The following STK4 variants were observed in gnomAD, a reference collection of about 807,000 sequenced individuals.
STK4 encodes serine/threonine kinase 4.
A neutral mutation model predicts 64.9 loss-of-function variants in STK4; 30 were observed. That is an observed-to-expected ratio of 0.46 (90% CI 0.35 to 0.63). The LOEUF is 0.63. STK4 is among the 20% of genes least tolerant of loss of function. The probability of loss-of-function intolerance (pLI) is 0.01; values close to 1 mark genes in which losing one functional copy is unlikely to be tolerated. For missense variants in STK4, 466 were observed against 598.5 expected (o/e 0.78, Z 2.31); for synonymous variants, 177 against 199.0 (o/e 0.89, Z 0.93).
At position 45,007,013 on chromosome 20, in the gene STK4, G is replaced by A. The variant is rs577819913; in HGVS notation, c.1147+5660G>A. On this transcript the variant is annotated intron_variant, in intron 9 of 10. Coordinates refer to ENST00000372806, the MANE Select transcript of STK4 (RefSeq NM_006282.5). ...CCGCTTTTGGCATCTGGAAGTTTTC[G>A]TTTTCTGGTTCTGAGCGCTATGGGT... 8.5e-4 allele frequency among the ~76,000 whole-genome samples: 130 copies of A among 152,146 alleles called. 2 individuals are homozygous for A. The South Asian group carries it at 0.026, about 30-fold the overall frequency.
intron 2 of STK4, among the ~76,000 whole-genome samples, chr20:44,978,069 C>A (rs2145644028): frequency 6.6e-6 from 1 of 152,252 alleles, no homozygotes; most frequent in South Asian, 2.1e-4. Flanking sequence ...AATCATAAAC[C>A]CCTTTGAACC....
At chr20:44,972,352 C>G in intron 2 of STK4, 194 bp downstream of exon 2, 1 of 489,680 alleles carries the variant, frequency 2.0e-6, no homozygotes, top group Non-Finnish European at 3.7e-6. Flanking sequence ...CTTTTTAACA[C>G]GAAGAATATC....
At position 45,002,721 on chromosome 20, in the gene STK4, C is replaced by T. The variant is rs528259699; in HGVS notation, c.1147+1368C>T. Reference sequence around the variant, plus strand: ...CTTCAGCAATGATCAACTCACTGCCCGTCTTATTTCAGCCCCACCTCACCA... The same window carrying T: ...CTTCAGCAATGATCAACTCACTGCCTGTCTTATTTCAGCCCCACCTCACCA... On this transcript the variant is annotated intron_variant, in intron 9 of 10. Transcript: ENST00000372806. Among the ~76,000 whole-genome samples, 18 of 152,220 alleles carry T rather than the reference C, an allele frequency of 1.2e-4. No homozygotes were observed. In the Middle Eastern group the frequency reaches 0.01, roughly 86 times the overall value.
chr20:45,025,077 C>A lies in STK4; in HGVS notation c.1252C>A (p.Pro418Thr). 1 of 1,612,656 alleles carries A rather than the reference C, an allele frequency of 6.2e-7. No homozygotes were observed. Among genetic ancestry groups the A allele is most frequent in the Non-Finnish European group, 8.5e-7 (1 of 1,179,274 alleles). Residue 418 changes from proline to threonine, a missense_variant, in exon 10 of 11, where the codon CCA becomes ACA. Transcript: ENST00000372806. The part of the protein sequence containing the change: ...INSFGKSVPG[P>T]LKNSSDWKIP... Reference sequence around the variant, plus strand: ...CAGCTTTGGCAAGAGTGTACCTGGTCCACTGAAAAATTCTTCAGATTGGAA... The same window carrying A: ...CAGCTTTGGCAAGAGTGTACCTGGTACACTGAAAAATTCTTCAGATTGGAA...
In STK4 at chr20:44,969,446, G is replaced by C. The variant is rs562518050; in HGVS notation, c.36-2632G>C. Among the ~76,000 whole-genome samples, 17 of 152,294 alleles carry C rather than the reference G, an allele frequency of 1.1e-4. No homozygotes were observed. The South Asian group carries it at 3.5e-3, about 32-fold the overall frequency. On this transcript the variant is annotated intron_variant, in intron 1 of 10. Coordinates refer to ENST00000372806, the MANE Select transcript of STK4 (RefSeq NM_006282.5). ...AGGTGTCTTTTCAGAAATTCAGATG[G>C]CATGTGTTTCCAATAACCCCAGTGC...
chr20:44,985,369 A>G (rs1047307252), intron 4 of STK4, among the ~76,000 whole-genome samples: 2 of 152,084 alleles, frequency 1.3e-5, no homozygotes, highest in African/African-American at 4.8e-5. Context: ...TATTTTTGAG[A>G]CAGAGTCTGG....
At chr20:45,046,054 G>A (rs1323002759) in intron 10 of STK4, among the ~76,000 whole-genome samples, 1 of 152,062 alleles carries the variant, frequency 6.6e-6, no homozygotes, top group African/African-American at 2.4e-5. Context: ...TGATCCGCCT[G>A]CCTCCGCCTC....
At chr20:45,068,376 C>T (rs928127353) in intron 10 of STK4, among the ~76,000 whole-genome samples, 1 of 152,136 alleles carries the variant, frequency 6.6e-6, no homozygotes, top group African/African-American at 2.4e-5. Flanking sequence ...TATTCAGCAC[C>T]CTGGAGTCAC....
chr20:45,012,251 G>A (rs907005573), intron 9 of STK4, among the ~76,000 whole-genome samples: 3 of 152,060 alleles, frequency 2.0e-5, no homozygotes, highest in Non-Finnish European at 2.9e-5. Flanking sequence ...GGCCAGGATG[G>A]TCTCGATCTC....
intron 10 of STK4, among the ~76,000 whole-genome samples, chr20:45,067,168 A>G (rs1249560486): frequency 1.3e-5 from 2 of 151,926 alleles, no homozygotes; most frequent in Non-Finnish European, 2.9e-5. Context: ...GAGGTATGGG[A>G]TGGTATGATG....
chr20:45,000,721 A>T (rs2067822536), intron 8 of STK4: 1 of 748,194 alleles, frequency 1.3e-6, no homozygotes, highest in Non-Finnish European at 2.1e-6. Flanking sequence ...TTCCTAAAAC[A>T]CTTTTAAATT....
At chr20:45,007,642 A>G (rs778205226) in intron 9 of STK4, among the ~76,000 whole-genome samples, 1 of 152,196 alleles carries the variant, frequency 6.6e-6, no homozygotes, top group South Asian at 2.1e-4. Context: ...TATTATATTC[A>G]TAGGCGTTAG....
intron 6 of STK4, 41 bp downstream of exon 6, chr20:44,995,298 TG>T (rs2067708077): frequency 6.4e-7 from 1 of 1,571,264 alleles, no homozygotes; most frequent in African/African-American, 1.4e-5. Flanking sequence ...GGTTAGTTAC[TG>T]ATCATCATTA....
At chr20:44,991,442 TGAATTTCTTCTA>T (rs1455071861) in intron 5 of STK4, among the ~76,000 whole-genome samples, 4 of 152,248 alleles carry the variant, frequency 2.6e-5, no homozygotes, top group African/African-American at 9.6e-5. Context: ...TGCATAGTGC[TGAATTTCTTCTA>T]GAAGTGAACA....
Position 45,075,111 on chromosome 20 carries a change from C to G in STK4, c.1399C>G (p.Gln467Glu), listed in dbSNP as rs1216666438. ...QEIEEIRQKY[Q>E]SKRQPILDAI... ...GATTGAAGAGATCCGGCAGAAGTAC[C>G]AGTCCAAGCGGCAGCCCATCCTGGA... The change falls in exon 11 of 11, where the codon CAG becomes GAG. Residue 467 changes from glutamine to glutamate, a missense_variant. Gln to Glu is a conservative substitution (Grantham distance 29). This residue lies in a region of STK4 where 276 missense variants were observed against 308.9 expected (regional missense o/e 0.89). Transcript: ENST00000372806. 2 of 1,614,056 alleles carry G rather than the reference C, an allele frequency of 1.2e-6. No individual in the cohort carries two copies. The highest frequency in any genetic ancestry group is 1.7e-6 in the Non-Finnish European group (2 of 1,180,036).
chr20:45,020,474 A>G lies in STK4; in HGVS notation c.1148-4499A>G, dbSNP rs556854006. Among the ~76,000 whole-genome samples, 173 of 139,932 alleles carry G rather than the reference A, an allele frequency of 1.2e-3. 2 individuals carry two copies. Among genetic ancestry groups the G allele is most frequent in the African/African-American group, 4.9e-3 (163 of 33,006 alleles). 91.8% of individuals were successfully genotyped at this position (139,932 alleles called of 152,430 possible). On this transcript the variant is annotated intron_variant, in intron 9 of 10. Coordinates refer to ENST00000372806, the MANE Select transcript of STK4 (RefSeq NM_006282.5). ...TGTGTGTGTGTGTGTGTGTATGTTT[A>G]TGTTTATGTTTATGTTTATGTTTAT...
At chr20:45,052,604 C>A (rs938260966) in intron 10 of STK4, among the ~76,000 whole-genome samples, 1 of 152,082 alleles carries the variant, frequency 6.6e-6, no homozygotes, top group Non-Finnish European at 1.5e-5. Context: ...TTCTTGTCAA[C>A]AGGAGGTTTG....
intron 2 of STK4, among the ~76,000 whole-genome samples, chr20:44,976,780 C>T (rs2284271): frequency 0.093 from 14,111 of 152,130 alleles, 754 homozygotes; most frequent in East Asian, 0.19. Flanking sequence ...GTGTGAGATT[C>T]GAGAAGCCGT....
chr20:45,048,235 T>C (rs1176170709), intron 10 of STK4, among the ~76,000 whole-genome samples: 3 of 152,170 alleles, frequency 2.0e-5, no homozygotes, highest in African/African-American at 7.2e-5. Context: ...TCACCCAACC[T>C]AAAATGAAGA....
Sources: gnomAD v4.1 joint callset for allele counts (sites outside exome capture counted in the v4.1 genomes callset) on GRCh38, gnomAD v4.1.1 for gene constraint, gnomAD v4.1.1 regional missense constraint, MANE v1.5 for transcripts, NCBI Gene and HGNC (gene_info 2026-07-23, HGNC 2026-07-21) for gene names.